The following ZMAT4 variants were observed in gnomAD, a reference collection of about 807,000 sequenced individuals.
The protein encoded by ZMAT4 is zinc finger matrin-type 4, also known as zinc finger matrin-type protein 4.
ZMAT4 carries 17 observed loss-of-function variants against 28.7 expected under a neutral mutation model. The observed-to-expected ratio is 0.59, with a 90% CI of 0.41 to 0.89. The LOEUF (loss-of-function observed/expected upper bound fraction) is 0.89. Ranked by LOEUF, ZMAT4 falls within the 40% of genes least tolerant of loss-of-function variation. ZMAT4 has a pLI of 0.00. For synonymous variants in ZMAT4, 117 were observed against 109.2 expected (o/e 1.07, Z -0.44); for missense variants, 240 against 283.8 (o/e 0.85, Z 1.11).
intron 5 of ZMAT4, among the ~76,000 whole-genome samples, chr8:40,606,067 A>T (rs532631365): frequency 6.6e-6 from 1 of 152,008 alleles, no homozygotes; most frequent in Non-Finnish European, 1.5e-5. Flanking sequence ...GTGAGTCCTT[A>T]TGTGTGTTCG....
At chr8:40,618,093 T>A (rs190510017) in intron 5 of ZMAT4, among the ~76,000 whole-genome samples, 1 of 152,306 alleles carries the variant, frequency 6.6e-6, no homozygotes. Context: ...TGTACATTAA[T>A]CTCTAGGCAC....
At chr8:40,563,613 TAAG>T (rs906413408) in intron 6 of ZMAT4, among the ~76,000 whole-genome samples, 39 of 152,308 alleles carry the variant, frequency 2.6e-4, no homozygotes, top group Admixed American at 2.0e-3. Flanking sequence ...AAAAAACAGA[TAAG>T]AACATGAAAT....
chr8:40,757,129 G>T (rs548049820), intron 3 of ZMAT4, among the ~76,000 whole-genome samples: 140 of 152,254 alleles, frequency 9.2e-4, no homozygotes, highest in Non-Finnish European at 1.7e-3. Context: ...CAGACCGTGA[G>T]AAGGACACTT....
At chr8:40,815,033 G>T (rs921258544) in intron 2 of ZMAT4, among the ~76,000 whole-genome samples, 1 of 152,174 alleles carries the variant, frequency 6.6e-6, no homozygotes, top group Non-Finnish European at 1.5e-5. Context: ...CCAGCACTTT[G>T]GGAGGCCAAG....
intron 2 of ZMAT4, among the ~76,000 whole-genome samples, chr8:40,808,738 A>C (rs11776726): frequency 0.42 from 64,037 of 151,576 alleles, 14,449 homozygotes; most frequent in Middle Eastern, 0.57. Flanking sequence ...AATGTGAAGA[A>C]GGAAAAAGAG....
intron 3 of ZMAT4, among the ~76,000 whole-genome samples, chr8:40,710,567 C>T (rs768251521): frequency 6.6e-6 from 1 of 152,006 alleles, no homozygotes; most frequent in Non-Finnish European, 1.5e-5. Flanking sequence ...CTCAAAAACC[C>T]TAGCAATCTT....
chr8:40,661,874 T>C (rs780068884), intron 5 of ZMAT4, among the ~76,000 whole-genome samples: 2 of 152,356 alleles, frequency 1.3e-5, no homozygotes, highest in African/African-American at 2.4e-5. Context: ...GGGAGGGTCT[T>C]AGAGCACTGA....
At chr8:40,794,837 GT>G (rs1409961504) in intron 2 of ZMAT4, among the ~76,000 whole-genome samples, 1 of 151,862 alleles carries the variant, frequency 6.6e-6, no homozygotes, top group Non-Finnish European at 1.5e-5. Flanking sequence ...GTGCTTTTGT[GT>G]GGCAATGATT....
chr8:40,831,164 C>T (rs184456830), intron 1 of ZMAT4, among the ~76,000 whole-genome samples: 8 of 152,282 alleles, frequency 5.3e-5, no homozygotes, highest in Admixed American at 4.6e-4. Context: ...TTTGTATCAA[C>T]AATACCATCC....
intron 1 of ZMAT4, among the ~76,000 whole-genome samples, chr8:40,838,490 G>T (rs1044518829): frequency 6.6e-6 from 1 of 152,138 alleles, no homozygotes; most frequent in Non-Finnish European, 1.5e-5. Flanking sequence ...CTACAAGTGT[G>T]TGCCACCATG....
intron 1 of ZMAT4, among the ~76,000 whole-genome samples, chr8:40,851,195 C>T (rs897228496): frequency 4.6e-5 from 7 of 152,056 alleles, no homozygotes; most frequent in African/African-American, 1.7e-4. Flanking sequence ...GGTGTGGTGG[C>T]ACATTGCCCG....
chr8:40,846,248 T>A (rs1245041772), intron 1 of ZMAT4, among the ~76,000 whole-genome samples: 1 of 152,092 alleles, frequency 6.6e-6, no homozygotes, highest in Non-Finnish European at 1.5e-5. Context: ...CATCTCTCTC[T>A]CTCCCTGATC....
At chr8:40,686,571 T>C (rs2150484155) in intron 4 of ZMAT4, among the ~76,000 whole-genome samples, 1 of 152,234 alleles carries the variant, frequency 6.6e-6, no homozygotes, top group Middle Eastern at 3.4e-3. Flanking sequence ...GAAGCTGCAG[T>C]GAGCCGTGGT....
At chr8:40,869,334 T>C (rs1328377040) in intron 1 of ZMAT4, among the ~76,000 whole-genome samples, 2 of 152,226 alleles carry the variant, frequency 1.3e-5, no homozygotes, top group Non-Finnish European at 2.9e-5. Context: ...CTGGTGTCTA[T>C]TTCCCTTACA....
At chr8:40,810,574 C>A (rs1815276622) in intron 2 of ZMAT4, among the ~76,000 whole-genome samples, 1 of 151,934 alleles carries the variant, frequency 6.6e-6, no homozygotes, top group African/African-American at 2.4e-5. Flanking sequence ...AAGGTAAGCT[C>A]CAAACAGAGT....
intron 3 of ZMAT4, among the ~76,000 whole-genome samples, chr8:40,735,804 A>G (rs749911919): frequency 2.6e-5 from 4 of 152,160 alleles, no homozygotes; most frequent in Non-Finnish European, 5.9e-5. Flanking sequence ...AGGACCCATC[A>G]CAACACTCAG....
chr8:40,804,064 T>C (rs1164186660), intron 2 of ZMAT4, among the ~76,000 whole-genome samples: 2 of 152,330 alleles, frequency 1.3e-5, no homozygotes, highest in East Asian at 3.9e-4. Context: ...GATCAGTGGT[T>C]GCCAGGAATT....
At chr8:40,735,853 C>T (rs1811740979) in intron 3 of ZMAT4, among the ~76,000 whole-genome samples, 1 of 152,154 alleles carries the variant, frequency 6.6e-6, no homozygotes, top group East Asian at 1.9e-4. Context: ...GCTCGGGAAG[C>T]ATCTTCCTTT....
At chr8:40,817,250 A>T (rs1815579649) in intron 2 of ZMAT4, among the ~76,000 whole-genome samples, 1 of 152,212 alleles carries the variant, frequency 6.6e-6, no homozygotes, top group Non-Finnish European at 1.5e-5. Context: ...TAAAGACATT[A>T]TGACACTAAA....
Sources: gnomAD v4.1 joint callset for allele counts (sites outside exome capture counted in the v4.1 genomes callset) on GRCh38, gnomAD v4.1.1 for gene constraint, MANE v1.5 for transcripts, NCBI Gene and HGNC (gene_info 2026-07-23, HGNC 2026-07-21) for gene names.